Variants in NHERF1 observed in about 807,000 individuals in gnomAD.
The protein encoded by NHERF1 is NHERF family PDZ scaffold protein 1.
At chr17:74,767,985 GAGCCCCAGC>G in the NHERF1 span, 1 of 738,270 alleles carries the variant, frequency 1.4e-6, no homozygotes, top group Admixed American at 1.9e-5. Flanking sequence ...ATGTAAAAAG[GAGCCCCAGC>G]AGGCTCAGGA....
the NHERF1 span, among the ~76,000 whole-genome samples, chr17:74,764,093 AG>A: frequency 6.6e-6 from 1 of 152,134 alleles, no homozygotes; most frequent in Non-Finnish European, 1.5e-5. The surrounding 1 kb of genome is among the most constrained non-coding windows in gnomAD (Gnocchi z 4.9). Context: ...CCCAGGCCCG[AG>A]CCAAACAGGG....
the NHERF1 span, among the ~76,000 whole-genome samples, chr17:74,766,781 G>A: frequency 6.6e-6 from 1 of 152,046 alleles, no homozygotes; most frequent in African/African-American, 2.4e-5. Context: ...AAATAAATAA[G>A]GCAAATGTAT....
the NHERF1 span, chr17:74,768,185 G>T: frequency 8.7e-6 from 14 of 1,613,518 alleles, no homozygotes; most frequent in Middle Eastern, 1.6e-4. Context: ...CAGCCTTGGA[G>T]AGCCCCAGGC....
the NHERF1 span, among the ~76,000 whole-genome samples, chr17:74,753,345 C>T: frequency 6.6e-6 from 1 of 152,150 alleles, no homozygotes; most frequent in Non-Finnish European, 1.5e-5. Context: ...GGTGGTGGGG[C>T]ACAGTTAGCT....
At chr17:74,762,290 G>C in the NHERF1 span, 8 of 699,796 alleles carry the variant, frequency 1.1e-5, no homozygotes, top group Admixed American at 2.0e-5. This position sits in a 1 kb window ranked among gnomAD's most constrained non-coding sequence, Gnocchi z 4.2. Flanking sequence ...AGCCAACCTG[G>C]AGCTGCTGGA....
At chr17:74,763,526 C>T in the NHERF1 span, 1 of 1,579,816 alleles carries the variant, frequency 6.3e-7, no homozygotes, top group Non-Finnish European at 8.6e-7. Context: ...GAATGGTAAG[C>T]CAGGTGGGGC....
the NHERF1 span, among the ~76,000 whole-genome samples, chr17:74,753,879 G>C: frequency 6.6e-6 from 1 of 151,792 alleles, no homozygotes; most frequent in Non-Finnish European, 1.5e-5. Flanking sequence ...GGCCAGGCAC[G>C]GTGGCTCACG....
chr17:74,765,835 A>C, the NHERF1 span, among the ~76,000 whole-genome samples: 3 of 152,078 alleles, frequency 2.0e-5, no homozygotes, highest in African/African-American at 4.8e-5. Flanking sequence ...CCCAGTCATG[A>C]GCCACCGAGC....
At chr17:74,761,874 A>T in the NHERF1 span, 1 of 803,156 alleles carries the variant, frequency 1.2e-6, no homozygotes, top group South Asian at 1.5e-5. The surrounding 1 kb of genome is among the most constrained non-coding windows in gnomAD (Gnocchi z 4.3). Context: ...AACCCTCTCA[A>T]ATTGCTGTGT....
chr17:74,768,755 A>G, the NHERF1 span: 3 of 988,070 alleles, frequency 3.0e-6, no homozygotes, highest in Non-Finnish European at 3.1e-6. Context: ...TGTACAAATC[A>G]GCACCCACAT....
At chr17:74,756,821 A>G in the NHERF1 span, among the ~76,000 whole-genome samples, 5 of 144,550 alleles carry the variant, frequency 3.5e-5, no homozygotes, top group Admixed American at 2.7e-4. Context: ...AACACATGTA[A>G]AGAGCTCGGT....
At chr17:74,768,487 C>G in the NHERF1 span, 11 of 1,614,134 alleles carry the variant, frequency 6.8e-6, no homozygotes, top group South Asian at 1.2e-4. Context: ...CAAGACAGCC[C>G]CCCAAAACAG....
chr17:74,763,436 GA>G, the NHERF1 span: 2 of 1,614,038 alleles, frequency 1.2e-6, no homozygotes, highest in Middle Eastern at 1.6e-4. Flanking sequence ...TGGCGGGGAC[GA>G]GACCAAGCTG....
At chr17:74,754,180 AAAG>A in the NHERF1 span, among the ~76,000 whole-genome samples, 25 of 151,822 alleles carry the variant, frequency 1.6e-4, no homozygotes, top group East Asian at 5.8e-4. Context: ...AAAAAAAAAG[AAAG>A]AAGAAGCTCA....
the NHERF1 span, among the ~76,000 whole-genome samples, chr17:74,761,851 AG>A: frequency 6.6e-6 from 1 of 152,306 alleles, no homozygotes; most frequent in Admixed American, 6.5e-5. This position sits in a 1 kb window ranked among gnomAD's most constrained non-coding sequence, Gnocchi z 4.3. Context: ...AAGTCTTTTG[AG>A]TCCTGGGCCA....
chr17:74,758,491 C>A, the NHERF1 span, among the ~76,000 whole-genome samples: 1 of 152,202 alleles, frequency 6.6e-6, no homozygotes, highest in African/African-American at 2.4e-5. The surrounding 1 kb of genome is among the most constrained non-coding windows in gnomAD (Gnocchi z 4.3). Flanking sequence ...GCCTCATGTT[C>A]CCTCCTGTTG....
chr17:74,763,645 C>G, the NHERF1 span: 4 of 944,772 alleles, frequency 4.2e-6, no homozygotes, highest in South Asian at 4.6e-5. Context: ...GGTGCTCCCT[C>G]CTCCTCCTTC....
the NHERF1 span, among the ~76,000 whole-genome samples, chr17:74,761,019 C>T: frequency 6.6e-6 from 1 of 152,216 alleles, no homozygotes; most frequent in Admixed American, 6.5e-5. This position sits in a 1 kb window ranked among gnomAD's most constrained non-coding sequence, Gnocchi z 4.3. Context: ...AGGCGTAGTC[C>T]TTGGGCACAG....
chr17:74,762,070 A>T, the NHERF1 span: 1 of 1,614,114 alleles, frequency 6.2e-7, no homozygotes, highest in East Asian at 2.2e-5. The surrounding 1 kb of genome is among the most constrained non-coding windows in gnomAD (Gnocchi z 4.2). Flanking sequence ...TATGGCTTCA[A>T]CCTGCACAGC....
Sources: allele counts gnomAD v4.1 joint callset (sites outside exome capture counted in the v4.1 genomes callset), GRCh38; gene constraint gnomAD v4.1.1; non-coding constraint Gnocchi (gnomAD v3.1); transcripts MANE v1.5; gene names NCBI Gene and HGNC (gene_info 2026-07-23, HGNC 2026-07-21).